Variants in ANTXR2 observed in about 807,000 individuals in gnomAD.
ANTXR2 encodes anthrax toxin receptor 2.
A neutral mutation model predicts 73.7 loss-of-function variants in ANTXR2; 44 were observed. The ratio of observed to expected loss-of-function variants is 0.60; its 90% CI spans 0.47 to 0.77. The LOEUF (loss-of-function observed/expected upper bound fraction) is 0.77, where lower values mean the gene tolerates loss of function less well. Among genes scored for constraint, ANTXR2 ranks in the 30% least tolerant of loss-of-function variants. ANTXR2 has a pLI of 0.00. For synonymous variants in ANTXR2, 217 were observed against 205.9 expected (o/e 1.05, Z -0.46); for missense variants, 604 against 592.5 (o/e 1.02, Z -0.20).
chr4:79,995,013 G>C, intron 12 of ANTXR2, among the ~76,000 whole-genome samples: 1 of 151,860 alleles, frequency 6.6e-6, no homozygotes, highest in East Asian at 1.9e-4. Flanking sequence ...CAAATACAAT[G>C]ATCATTTTCC....
intron 16 of ANTXR2, among the ~76,000 whole-genome samples, chr4:79,917,613 A>C (rs1727405670): frequency 2.6e-5 from 4 of 152,160 alleles, no homozygotes; most frequent in Admixed American, 2.6e-4. Flanking sequence ...AGAGATAGAG[A>C]TAACTCTCTA....
chr4:80,015,268 T>C (rs1258060915), intron 11 of ANTXR2, among the ~76,000 whole-genome samples: 1 of 152,184 alleles, frequency 6.6e-6, no homozygotes, highest in Admixed American at 6.5e-5. Context: ...ATGTTTCCAA[T>C]GGCAGCATCA....
intron 16 of ANTXR2, among the ~76,000 whole-genome samples, chr4:79,915,862 C>CTCTCTCTCTCTCTCTCTATATATATA (rs377006532): frequency 8.1e-6 from 1 of 123,878 alleles, no homozygotes; most frequent in Non-Finnish European, 1.7e-5. Flanking sequence ...CTCTCTCTCT[C>CTCTCTCTCTCTCTCTCTATATATATA]TATATATATA....
intron 16 of ANTXR2, among the ~76,000 whole-genome samples, chr4:79,934,266 C>T (rs1279530184): frequency 1.3e-5 from 2 of 152,084 alleles, no homozygotes; most frequent in Non-Finnish European, 2.9e-5. Context: ...GTGGCTTATG[C>T]CTATATAATC....
chr4:79,988,157 A>T (rs1396206879), intron 12 of ANTXR2, among the ~76,000 whole-genome samples: 1 of 149,904 alleles, frequency 6.7e-6, no homozygotes, highest in Non-Finnish European at 1.5e-5. Context: ...TAAAAGGTAC[A>T]GAGTGGCAAG....
intron 3 of ANTXR2, among the ~76,000 whole-genome samples, chr4:80,065,509 C>T (rs1442479830): frequency 1.3e-5 from 2 of 151,968 alleles, no homozygotes; most frequent in African/African-American, 2.4e-5. Context: ...GACTAACAGA[C>T]ATATGGAGGG....
intron 12 of ANTXR2, among the ~76,000 whole-genome samples, chr4:79,997,547 C>G (rs1333666485): frequency 6.6e-6 from 1 of 151,888 alleles, no homozygotes; most frequent in African/African-American, 2.4e-5. Context: ...TTGTGAAGTC[C>G]TTCTTTTCTG....
At chr4:80,041,200 G>A (rs1733229297) in intron 7 of ANTXR2, among the ~76,000 whole-genome samples, 1 of 151,906 alleles carries the variant, frequency 6.6e-6, no homozygotes, top group South Asian at 2.1e-4. Context: ...TAACTAGGTT[G>A]TCCCCAGGTT....
chr4:80,004,792 T>G (rs1021157598), intron 12 of ANTXR2, among the ~76,000 whole-genome samples: 1 of 152,140 alleles, frequency 6.6e-6, no homozygotes, highest in African/African-American at 2.4e-5. Flanking sequence ...TTTAGGGATC[T>G]TTATTCACTT....
chr4:80,022,875 C>A (rs1027645511), intron 10 of ANTXR2, among the ~76,000 whole-genome samples: 1 of 152,104 alleles, frequency 6.6e-6, no homozygotes. Flanking sequence ...TCTTCCATTT[C>A]TCAATCTGTA....
chr4:80,009,180 T>C (rs1339045908), intron 11 of ANTXR2, among the ~76,000 whole-genome samples: 1 of 152,150 alleles, frequency 6.6e-6, no homozygotes, highest in East Asian at 1.9e-4. Flanking sequence ...GAAGCTGAAA[T>C]ATGACCTACA....
intron 11 of ANTXR2, among the ~76,000 whole-genome samples, chr4:80,015,981 AGG>A (rs1731847990): frequency 1.4e-5 from 2 of 147,916 alleles, no homozygotes; most frequent in South Asian, 4.4e-4. Context: ...AGGAAAGGAA[AGG>A]AAAGGAAAGG....
intron 16 of ANTXR2, among the ~76,000 whole-genome samples, chr4:79,975,650 T>C (rs1729593507): frequency 1.3e-5 from 2 of 152,136 alleles, no homozygotes; most frequent in Admixed American, 6.5e-5. Flanking sequence ...ACTAAGATGA[T>C]GCATGAAAAC....
In ANTXR2 at chr4:79,926,979, G is replaced by GTGCATATGTGTATATATACACA. The variant is rs1297326048; in HGVS notation, c.1429-19513_1429-19512insTGTGTATATATACACATATGCA. Among the ~76,000 whole-genome samples the GTGCATATGTGTATATATACACA allele has an allele frequency of 5.6e-3, 246 of 43,740 alleles. 7 individuals are homozygous for GTGCATATGTGTATATATACACA. Among genetic ancestry groups the GTGCATATGTGTATATATACACA allele is most frequent in the African/African-American group, 0.01 (235 of 23,432 alleles). The allele number at this position is 43,740 out of a possible 152,430, so 28.7% of individuals were successfully genotyped here. A position where few individuals can be genotyped will look rare whatever the true frequency, so the allele number is the denominator to read the frequency against. On this transcript the variant is annotated intron_variant, in intron 16 of 16. Transcript: ENST00000403729. The stretch of plus-strand genomic sequence containing the variant: ...CGTGTGCATATATGTGTATATATAC[G>GTGCATATGTGTATATATACACA]TGTGCATATATGTGTATATATACAC...
At chr4:79,952,848 AAC>A (rs1191398000) in intron 16 of ANTXR2, among the ~76,000 whole-genome samples, 1 of 151,818 alleles carries the variant, frequency 6.6e-6, no homozygotes. Flanking sequence ...TATTTTATAC[AAC>A]AGAGAGTACA....
In ANTXR2 at chr4:79,983,966, T is replaced by A; in HGVS notation, c.1091A>T (p.Glu364Val). Residue 364 changes from glutamate (E) to valine (V), a missense_variant, in exon 14 of 17, where the codon GAA becomes GTA. Coordinates refer to ENST00000403729, the MANE Select transcript of ANTXR2 (RefSeq NM_058172.6). ...PPPAPAPKEEEEEPLPTKKWP... is the reference protein window; with the variant it reads ...PPPAPAPKEEVEEPLPTKKWP... The stretch of plus-strand genomic sequence containing the variant: ...CTTTTTAGTAGGCAAAGGTTCTTCT[T>A]CCTCCTGTGGAAATATGTTTTATAA... 6.3e-7 allele frequency: 1 copy of A among 1,586,966 alleles called. No individual in the cohort carries two copies. Among genetic ancestry groups the A allele is most frequent in the Non-Finnish European group, 8.6e-7 (1 of 1,168,360 alleles).
intron 10 of ANTXR2, among the ~76,000 whole-genome samples, chr4:80,020,706 GT>G (rs1022750894): frequency 1.3e-5 from 2 of 151,882 alleles, no homozygotes; most frequent in Non-Finnish European, 2.9e-5. Context: ...TCCTTAATGT[GT>G]TTTTTTTCTC....
At position 80,064,432 on chromosome 4, in the gene ANTXR2, T is replaced by C. The variant is rs543160018; in HGVS notation, c.296+5004A>G. Among the ~76,000 whole-genome samples, 6 of 152,336 alleles carry C rather than the reference T, an allele frequency of 3.9e-5. No homozygotes were observed. In the South Asian group the frequency reaches 1.0e-3, roughly 26 times the overall value. On this transcript the variant is annotated intron_variant, in intron 3 of 16. Transcript: ENST00000403729. ...CAATCACTCATTCAACAAATATTTA[T>C]TGAGCATCTACTGAGCATCAGGCTC...
chr4:79,981,237 G>A (rs1729876400), intron 14 of ANTXR2, among the ~76,000 whole-genome samples: 1 of 152,084 alleles, frequency 6.6e-6, no homozygotes, highest in Non-Finnish European at 1.5e-5. Flanking sequence ...TTTATATACA[G>A]GTTGAGTATA....
Sources: gnomAD v4.1 joint callset for allele counts (sites outside exome capture counted in the v4.1 genomes callset) on GRCh38, gnomAD v4.1.1 for gene constraint, MANE v1.5 for transcripts, NCBI Gene and HGNC (gene_info 2026-07-23, HGNC 2026-07-21) for gene names.